NSMCE2: variants seen among roughly 807,000 people sequenced by gnomAD.
NSMCE2 encodes E3 SUMO-protein ligase NSE2.
In NSMCE2, 24 loss-of-function variants were observed where a neutral mutation model predicts 23.8. The observed-to-expected ratio is 1.01, with a 90% CI of 0.73 to 1.42. The LOEUF (loss-of-function observed/expected upper bound fraction) is 1.42. Among genes scored for constraint, NSMCE2 ranks in the 40% most tolerant of loss-of-function variants. NSMCE2 has a pLI of 0.00. For missense variants in NSMCE2, 284 were observed against 296.5 expected (o/e 0.96, Z 0.31); for synonymous variants, 92 against 94.1 (o/e 0.98, Z 0.13).
intron 1 of NSMCE2, among the ~76,000 whole-genome samples, chr8:125,095,960 GA>G (rs1273469451): frequency 6.7e-6 from 1 of 150,116 alleles, no homozygotes; most frequent in African/African-American, 2.4e-5. Context: ...TGTGTTTTTT[GA>G]TTAATACTTA....
At chr8:125,318,132 G>T (rs1437158927) in intron 5 of NSMCE2, among the ~76,000 whole-genome samples, 1 of 152,190 alleles carries the variant, frequency 6.6e-6, no homozygotes, top group Non-Finnish European at 1.5e-5. Flanking sequence ...AATAGGGCCG[G>T]GTATAGTGGC....
intron 5 of NSMCE2, among the ~76,000 whole-genome samples, chr8:125,265,627 C>T (rs1032081279): frequency 7.9e-5 from 12 of 152,264 alleles, no homozygotes; most frequent in Non-Finnish European, 1.3e-4. Flanking sequence ...GGCAGGTGGC[C>T]GCCTTACTTT....
chr8:125,230,421 A>G (rs887562864), intron 5 of NSMCE2, among the ~76,000 whole-genome samples: 10 of 152,208 alleles, frequency 6.6e-5, no homozygotes, highest in Non-Finnish European at 1.3e-4. Context: ...TCAATTAAGA[A>G]TATGATTTTT....
intron 4 of NSMCE2, among the ~76,000 whole-genome samples, chr8:125,180,320 A>C (rs1386400023): frequency 1.3e-5 from 2 of 152,182 alleles, no homozygotes; most frequent in African/African-American, 4.8e-5. Flanking sequence ...AAGCCTCTCC[A>C]TGTTTTCTAA....
chr8:125,354,915 A>T (rs1813189120), intron 5 of NSMCE2, among the ~76,000 whole-genome samples: 1 of 152,208 alleles, frequency 6.6e-6, no homozygotes. Context: ...ATGACGCCAC[A>T]AGCAGAAAAT....
chr8:125,148,682 A>G (rs1260912769), intron 3 of NSMCE2, among the ~76,000 whole-genome samples: 1 of 152,214 alleles, frequency 6.6e-6, no homozygotes, highest in Non-Finnish European at 1.5e-5. Context: ...CAGTTCCAGT[A>G]TCAGAATCTA....
intron 3 of NSMCE2, among the ~76,000 whole-genome samples, chr8:125,116,612 GTTT>G (rs1819016972): frequency 6.6e-6 from 1 of 152,084 alleles, no homozygotes; most frequent in South Asian, 2.1e-4. Context: ...GAGTGTCTGT[GTTT>G]TGAAAGGACA....
chr8:125,158,804 G>A lies in NSMCE2; in HGVS notation c.264+7527G>A, dbSNP rs138401167. Among the ~76,000 whole-genome samples the A allele has an allele frequency of 9.2e-5, 14 of 152,292 alleles. 1 individual carries two copies. Among genetic ancestry groups the A allele is most frequent in the Admixed American group, 9.2e-4 (14 of 15,292 alleles). ...ACTAATTGGCAGTGGTGCTGAATGG[G>A]CTAACTGCAGAAGAGAGATGGGGAA... On this transcript the variant is annotated intron_variant, in intron 4 of 7. Transcript: ENST00000287437.
chr8:125,226,710 G>A (rs1825112613), intron 5 of NSMCE2, among the ~76,000 whole-genome samples: 1 of 152,126 alleles, frequency 6.6e-6, no homozygotes, highest in African/African-American at 2.4e-5. Context: ...GGAGAGGAGA[G>A]GCAGAGGGGA....
intron 4 of NSMCE2, among the ~76,000 whole-genome samples, chr8:125,171,492 G>A (rs928507608): frequency 6.6e-6 from 1 of 152,178 alleles, no homozygotes; most frequent in African/African-American, 2.4e-5. Flanking sequence ...AGCATAGGAT[G>A]TATTCATTCT....
chr8:125,312,368 G>A (rs935097820), intron 5 of NSMCE2, among the ~76,000 whole-genome samples: 1 of 152,174 alleles, frequency 6.6e-6, no homozygotes, highest in Non-Finnish European at 1.5e-5. Context: ...GCTCATGCCT[G>A]TAATCTCAGC....
chr8:125,118,022 T>G (rs1453595241), intron 3 of NSMCE2, among the ~76,000 whole-genome samples: 2 of 152,142 alleles, frequency 1.3e-5, no homozygotes, highest in Admixed American at 1.3e-4. Flanking sequence ...CCAGAGGTTC[T>G]CAAACTTGAG....
intron 7 of NSMCE2, among the ~76,000 whole-genome samples, chr8:125,366,491 G>T (rs1321098768): frequency 6.6e-6 from 1 of 152,016 alleles, no homozygotes; most frequent in African/African-American, 2.4e-5. Flanking sequence ...AGTGAGCCAG[G>T]ATCGTGCCAC....
intron 5 of NSMCE2, among the ~76,000 whole-genome samples, chr8:125,287,207 C>T (rs1427995995): frequency 6.6e-6 from 1 of 152,172 alleles, no homozygotes; most frequent in Non-Finnish European, 1.5e-5. Flanking sequence ...TGGCGGGCAC[C>T]TGTAGTCCCA....
chr8:125,092,591 A>G (rs1252248195), intron 1 of NSMCE2, among the ~76,000 whole-genome samples: 1 of 152,200 alleles, frequency 6.6e-6, no homozygotes, highest in Non-Finnish European at 1.5e-5. Flanking sequence ...GGGAAAAGCA[A>G]TTGTATGAGA....
intron 5 of NSMCE2, among the ~76,000 whole-genome samples, chr8:125,329,331 A>G (rs1563788535): frequency 6.6e-6 from 1 of 152,174 alleles, no homozygotes; most frequent in African/African-American, 2.4e-5. Context: ...CTCCCACTAC[A>G]GGAGCTTTTT....
intron 5 of NSMCE2, among the ~76,000 whole-genome samples, chr8:125,195,655 A>G (rs1422345473): frequency 6.6e-6 from 1 of 152,180 alleles, no homozygotes; most frequent in Non-Finnish European, 1.5e-5. Flanking sequence ...AACAAAATAG[A>G]CAAGTCTCTA....
intron 5 of NSMCE2, among the ~76,000 whole-genome samples, chr8:125,212,776 A>G (rs1466686023): frequency 2.0e-5 from 3 of 152,176 alleles, no homozygotes; most frequent in Non-Finnish European, 1.5e-5. Context: ...GTTATGTACT[A>G]CATAAAAGCA....
intron 5 of NSMCE2, among the ~76,000 whole-genome samples, chr8:125,183,634 G>GGT (rs59285361): frequency 0.2 from 29,835 of 147,444 alleles, 3,865 homozygotes; most frequent in Middle Eastern, 0.37. Context: ...ATTACTCAGT[G>GGT]GTGTGTGTGT....
Sources: allele counts gnomAD v4.1 joint callset (sites outside exome capture counted in the v4.1 genomes callset), GRCh38; gene constraint gnomAD v4.1.1; transcripts MANE v1.5; gene names NCBI Gene and HGNC (gene_info 2026-07-23, HGNC 2026-07-21).